MYO19: variants seen among roughly 807,000 people sequenced by gnomAD.
The protein encoded by MYO19 is unconventional myosin-XIX.
MYO19 carries 132 observed loss-of-function variants against 129.2 expected under a neutral mutation model. That is an observed-to-expected ratio of 1.02 (90% CI 0.89 to 1.18). MYO19 has a LOEUF of 1.18. Ranked by LOEUF, MYO19 falls within the 50% of genes most tolerant of loss-of-function variation. The pLI is 0.00. For missense variants in MYO19, 1,210 were observed against 1,216.7 expected (o/e 0.99, Z 0.08); for synonymous variants, 531 against 477.2 (o/e 1.11, Z -1.47).
At chr17:36,497,965 A>G in intron 25 of MYO19, 1 of 396,756 alleles carries the variant, frequency 2.5e-6, no homozygotes, top group Non-Finnish European at 4.5e-6. Context: ...GAGCATCAGA[A>G]TCAGCTGGGA....
chr17:36,535,035 G>C (rs1417328329), upstream of MYO19: 3 of 152,358 alleles, frequency 2.0e-5, no homozygotes, highest in African/African-American at 7.2e-5. Flanking sequence ...GCCTGGTCCG[G>C]CTTGCTGGCT....
chr17:36,531,642 A>T (rs1216722633), intron 3 of MYO19, among the ~76,000 whole-genome samples: 2 of 152,174 alleles, frequency 1.3e-5, no homozygotes, highest in Non-Finnish European at 1.5e-5. Flanking sequence ...AGCCCAGAGC[A>T]GTCAACTGTT....
chr17:36,532,742 A>C, intron 2 of MYO19, 61 bp from the exon 3 acceptor site: 1 of 633,750 alleles, frequency 1.6e-6, no homozygotes, highest in Non-Finnish European at 2.8e-6. Context: ...GGAGTGACTC[A>C]CTCACTCCTT....
intron 11 of MYO19, among the ~76,000 whole-genome samples, chr17:36,512,389 CAAAAA>C (rs551345278): frequency 5.1e-5 from 4 of 77,908 alleles, no homozygotes; most frequent in Middle Eastern, 8.2e-3. Flanking sequence ...AACTCCATCT[CAAAAA>C]AAAAAAAAAA....
Position 36,515,929 on chromosome 17 carries a change from C to G in MYO19, c.476G>C (p.Trp159Ser). Residue 159 changes from tryptophan (W) to serine (S), a missense_variant, in exon 7 of 26, where the codon TGG becomes TCG. Coordinates refer to ENST00000614623, the MANE Select transcript of MYO19 (RefSeq NM_001163735.2). ...YAVVATSPAS[W>S]ESHKIAERIE... ...CCTCTCTGCAATCTTGTGGCTCTCC[C>G]AAGATGCAGGTGAGGTGGCCACCAC... 1 of 1,613,814 alleles carries G rather than the reference C, an allele frequency of 6.2e-7. No individual in the cohort carries two copies. Among genetic ancestry groups the G allele is most frequent in the South Asian group, 1.1e-5 (1 of 91,066 alleles).
chr17:36,539,687 T>A, upstream of MYO19, among the ~76,000 whole-genome samples: 1 of 152,206 alleles, frequency 6.6e-6, no homozygotes, highest in Admixed American at 6.5e-5. Flanking sequence ...TGCTTTGGGA[T>A]TAATTCATCT....
chr17:36,499,349 A>G (rs1181793127), intron 23 of MYO19, 189 bp from the exon 24 acceptor site: 1 of 434,184 alleles, frequency 2.3e-6, no homozygotes, highest in Non-Finnish European at 4.4e-6. Flanking sequence ...CATTCCTTAC[A>G]CTGCCCACAC....
intron 6 of MYO19, among the ~76,000 whole-genome samples, chr17:36,522,499 A>C (rs2073196678): frequency 6.6e-6 from 1 of 151,726 alleles, no homozygotes; most frequent in Non-Finnish European, 1.5e-5. Flanking sequence ...CGACAGTGCG[A>C]GACTTGGTCA....
At chr17:36,497,435 A>C (rs2071090229) in intron 25 of MYO19, among the ~76,000 whole-genome samples, 1 of 152,148 alleles carries the variant, frequency 6.6e-6, no homozygotes, top group South Asian at 2.1e-4. Context: ...TGCCAAATCC[A>C]GTGCCATTTG....
At chr17:36,520,968 G>A (rs913793717) in intron 6 of MYO19, among the ~76,000 whole-genome samples, 5 of 152,102 alleles carry the variant, frequency 3.3e-5, no homozygotes, top group African/African-American at 1.2e-4. Flanking sequence ...TTTCAATTTG[G>A]ATAATTTCTA....
At chr17:36,543,097 A>C (rs1298346785) in intron 1 of MYO19, 1 of 152,238 alleles carries the variant, frequency 6.6e-6, no homozygotes. Context: ...AACATCATAC[A>C]TACGTATTAG....
intron 23 of MYO19, chr17:36,499,654 C>CTGTTTCTTTT (rs2071331722): frequency 1.4e-5 from 1 of 73,092 alleles, no homozygotes; most frequent in African/African-American, 6.0e-5. Flanking sequence ...TATTCTTTTT[C>CTGTTTCTTTT]TTTTTGTTTC....
rs2071206888 is a variant in MYO19 at position 36,498,472 on chromosome 17, G to A, written c.2551C>T (p.Pro851Ser). 6.2e-7 allele frequency: 1 copy of A among 1,614,056 alleles called. No individual in the cohort carries two copies. The highest frequency in any genetic ancestry group is 8.5e-7 in the Non-Finnish European group (1 of 1,179,884). ...SQAPCSLSTS[P>S]LQTRLLEAII... ...GCCTCCAGGAGCCTGGTCTGCAGCGGCGAGGTGCTCAGGGAACAGGGAGCT... is the reference window on the plus strand; with the variant it reads ...GCCTCCAGGAGCCTGGTCTGCAGCGACGAGGTGCTCAGGGAACAGGGAGCT... Residue 851 changes from proline to serine, a missense_variant, in exon 25 of 26, where the codon CCG becomes TCG. Transcript: ENST00000614623.
At position 36,517,270 on chromosome 17, in the gene MYO19, G is replaced by C. The variant is rs146976264; in HGVS notation, c.415-1280C>G. On this transcript the variant is annotated intron_variant, in intron 6 of 25. Coordinates refer to ENST00000614623, the MANE Select transcript of MYO19 (RefSeq NM_001163735.2). ...AGAGTTATCATTTTTTTGTTTGTTT[G>C]TCTTCTTTAGAGGCAAAGTCTTGCT... is the stretch of plus-strand genomic sequence containing the variant. Among the ~76,000 whole-genome samples the C allele has an allele frequency of 7.7e-3, 1,168 of 151,592 alleles. 13 individuals are homozygous for C. The highest frequency in any genetic ancestry group is 0.022 in the African/African-American group (916 of 41,320).
chr17:36,504,398 C>T, intron 19 of MYO19: 1 of 205,596 alleles, frequency 4.9e-6, no homozygotes, highest in Non-Finnish European at 9.7e-6. Flanking sequence ...TGGTTCACAG[C>T]TGAGAGGCAG....
At chr17:36,517,267 T>A (rs2072818516) in intron 6 of MYO19, among the ~76,000 whole-genome samples, 1 of 152,228 alleles carries the variant, frequency 6.6e-6, no homozygotes, top group South Asian at 2.1e-4. Context: ...TTTTTGTTTG[T>A]TTGTCTTCTT....
intron 1 of MYO19, among the ~76,000 whole-genome samples, chr17:36,542,515 C>T (rs1362138811): frequency 6.6e-6 from 1 of 151,830 alleles, no homozygotes; most frequent in Non-Finnish European, 1.5e-5. Flanking sequence ...CTGGCTGACA[C>T]GATGAAACCC....
At chr17:36,527,959 G>A in intron 4 of MYO19, 105 bp downstream of exon 4, 1 of 1,468,012 alleles carries the variant, frequency 6.8e-7, no homozygotes, top group East Asian at 2.4e-5. Context: ...CTCCAGATCA[G>A]GAGTCCTGCC....
Position 36,506,548 on chromosome 17 carries a change from C to T in MYO19, c.1705G>A (p.Gly569Arg). The T allele has an allele frequency of 6.3e-7, 1 of 1,587,924 alleles. No homozygotes were observed. The highest frequency in any genetic ancestry group is 8.5e-7 in the Non-Finnish European group (1 of 1,170,248). The part of the protein sequence containing the change: ...LQQSQDPLLM[G>R]LFPTNPKEKT... ...TCTTTGGGGTTAGTAGGAAACAGCC[C>T]CATGAGCAGGGGGTCCTGGGATTGC... is the stretch of plus-strand genomic sequence containing the variant. The change falls in exon 18 of 26, where the codon GGG becomes AGG. Residue 569 changes from glycine to arginine, a missense_variant. Gly to Arg is a moderately radical substitution (Grantham distance 125, BLOSUM62 -2). Transcript: ENST00000614623.
Sources: gnomAD v4.1 joint callset for allele counts (sites outside exome capture counted in the v4.1 genomes callset) on GRCh38, gnomAD v4.1.1 for gene constraint, MANE v1.5 for transcripts, NCBI Gene and HGNC (gene_info 2026-07-23, HGNC 2026-07-21) for gene names.